Variants in PANK4 observed in about 807,000 individuals in gnomAD.
The protein encoded by PANK4 is 4'-phosphopantetheine phosphatase.
PANK4 carries 40 observed loss-of-function variants against 87.9 expected under a neutral mutation model. The observed-to-expected ratio is 0.46, with a 90% confidence interval of 0.35 to 0.59. PANK4 has a LOEUF of 0.59. PANK4 is among the 20% of genes least tolerant of loss of function. PANK4 has a pLI of 0.00. For synonymous variants in PANK4, 524 were observed against 467.4 expected, an observed-to-expected ratio of 1.12 and a Z score of -1.56; for missense variants, 926 against 1,072.3, an observed-to-expected ratio of 0.86 and a Z score of 1.90.
chr1:2,519,365 C>G lies in PANK4; in HGVS notation c.854-41G>C, dbSNP rs928261605. 1 of 1,478,188 alleles carries G rather than the reference C, an allele frequency of 6.8e-7. No individual in the cohort carries two copies. Among genetic ancestry groups the G allele is most frequent in the Non-Finnish European group, 9.3e-7 (1 of 1,077,182 alleles). The allele number at this position is 1,478,188 out of a possible 1,614,324, so 91.6% of individuals were successfully genotyped here. ...AAAAGGCACTCATCTCCAAGTACAGCAAGTGCACGACATGAGAGCGAGCAG... is the reference window on the plus strand; with the variant it reads ...AAAAGGCACTCATCTCCAAGTACAGGAAGTGCACGACATGAGAGCGAGCAG... On this transcript the variant is annotated intron_variant, in intron 6 of 18. Transcript: ENST00000378466. This position sits in a 1 kb window ranked among gnomAD's most constrained non-coding sequence, Gnocchi z 8.3.
chr1:2,512,599 T>A (rs78763716), intron 13 of PANK4: 8 of 446,042 alleles, frequency 1.8e-5, no homozygotes, highest in Middle Eastern at 5.7e-4. Context: ...ATTCTGACAA[T>A]AGAAAATGCC....
chr1:2,521,694 CG>C (rs1557447949), intron 2 of PANK4, 23 bp downstream of exon 2: 2 of 1,586,724 alleles, frequency 1.3e-6, no homozygotes, highest in Non-Finnish European at 1.7e-6. Context: ...TGCCCTGCCC[CG>C]GGTGGCCACA....
intron 9 of PANK4, 56 bp downstream of exon 9, chr1:2,518,108 G>T: frequency 9.4e-7 from 1 of 1,066,070 alleles, no homozygotes; most frequent in Non-Finnish European, 1.4e-6. Flanking sequence ...CAGGCGAGGT[G>T]AGTGCGGCAT....
Position 2,519,404 on chromosome 1 carries a change from G to A in PANK4, c.854-80C>T, listed in dbSNP as rs933154172. On this transcript the variant is annotated intron_variant, in intron 6 of 18. Transcript: ENST00000378466. This position sits in a 1 kb window ranked among gnomAD's most constrained non-coding sequence, Gnocchi z 8.3. ...GAGAGCGAGCAGGAGGGGAGGGGGA[G>A]AGAGAGCTGAGTGGGAGGGGAGGGG... 1 of 414,232 alleles carries A rather than the reference G, an allele frequency of 2.4e-6. No homozygotes were observed. The highest frequency in any genetic ancestry group is 2.6e-5 in the South Asian group (1 of 38,056). 25.7% of individuals were successfully genotyped at this position (414,232 alleles called of 1,614,324 possible). A position where few individuals can be genotyped will look rare whatever the true frequency, so the allele number is the denominator to read the frequency against.
intron 1 of PANK4, among the ~76,000 whole-genome samples, chr1:2,523,391 G>A (rs184414410): frequency 6.6e-6 from 1 of 152,278 alleles, no homozygotes; most frequent in Admixed American, 6.5e-5. Context: ...TCACTAACAT[G>A]CACCATGCCG....
At position 2,512,724 on chromosome 1, in the gene PANK4, G is replaced by A. The variant is rs753312983; in HGVS notation, c.1727+164C>T. On this transcript the variant is annotated intron_variant, in intron 13 of 18. Coordinates refer to ENST00000378466, the MANE Select transcript of PANK4 (RefSeq NM_018216.4). ...GGCGCTGCGCCCTGCCCAGCCCCTG[G>A]CGCTGCTGCCATGTGCACTCCCTGG... is the stretch of plus-strand genomic sequence containing the variant. 7 of 685,060 alleles carry A rather than the reference G, an allele frequency of 1.0e-5. No individual in the cohort carries two copies. In the African/African-American group the frequency reaches 1.1e-4, roughly 11 times the overall value. 42.4% of individuals were successfully genotyped at this position (685,060 alleles called of 1,614,324 possible).
In PANK4 at chr1:2,518,586, C is replaced by G; in HGVS notation, c.1047G>C (p.Gln349His). 1 of 1,568,904 alleles carries G rather than the reference C, an allele frequency of 6.4e-7. No homozygotes were observed. The highest frequency in any genetic ancestry group is 1.2e-5 in the South Asian group (1 of 85,648). The part of the protein sequence containing the change: ...SINFFSKGEV[Q>H]ALFLRHEGYL... ...AGCCTTCGTGCCTCAGAAACAGCGC[C>G]TGCACTTCCCCCTGCCGTGGCCAAA... Residue 349 changes from glutamine (Q) to histidine (H), a missense_variant, in exon 8 of 19, where the codon CAG becomes CAC. Coordinates refer to ENST00000378466, the MANE Select transcript of PANK4 (RefSeq NM_018216.4).
At chr1:2,517,822 T>G (rs1643809644) in intron 9 of PANK4, among the ~76,000 whole-genome samples, 1 of 152,194 alleles carries the variant, frequency 6.6e-6, no homozygotes, top group Non-Finnish European at 1.5e-5. Flanking sequence ...GGTTTCGGGT[T>G]TCAACTCCAA....
chr1:2,512,345 G>A (rs1486281816), intron 13 of PANK4: 1 of 153,820 alleles, frequency 6.5e-6, no homozygotes, highest in East Asian at 1.9e-4. Context: ...AAAAAAAGCA[G>A]GGACCACGAG....
Position 2,520,906 on chromosome 1 carries a change from T to C in PANK4, c.423A>G (p.Lys141=). The change falls in exon 4 of 19, where the codon AAA becomes AAG. Residue 141 remains lysine, a splice_region_variant and synonymous_variant. Coordinates refer to ENST00000378466, the MANE Select transcript of PANK4 (RefSeq NM_018216.4). The surrounding 1 kb of genome is among the most constrained non-coding windows in gnomAD (Gnocchi z 6.2). ...ACGTCATCACGTCCTCCTTGTCGAC[T>C]CTGAAAAGGAAGCGCCAACCCCTTA... ...KDLIEEKLRL[K]VDKEDVMTCL... The C allele has an allele frequency of 2.6e-6, 4 of 1,545,106 alleles. No individual in the cohort carries two copies. The highest frequency in any genetic ancestry group is 3.5e-6 in the Non-Finnish European group (4 of 1,147,562).
chr1:2,510,781 C>T lies in PANK4; in HGVS notation c.1835G>A (p.Gly612Glu). The change falls in exon 16 of 19, where the codon GGG (glycine) becomes GAG (glutamate). Residue 612 changes from glycine (G) to glutamate (E), a missense_variant and splice_region_variant. Coordinates refer to ENST00000378466, the MANE Select transcript of PANK4 (RefSeq NM_018216.4). This position sits in a 1 kb window ranked among gnomAD's most constrained non-coding sequence, Gnocchi z 4.9. Reference sequence around the variant, plus strand: ...AATTAAGGCACATTTATGAGGGGGCCCCTGTAAGACAAAACCAGGACGTTC... The same window carrying T: ...AATTAAGGCACATTTATGAGGGGGCTCCTGTAAGACAAAACCAGGACGTTC... ...SYSEWLQRLK[G>E]PPHKCALIFA... 1.9e-6 allele frequency: 3 copies of T among 1,590,316 alleles called. No homozygotes were observed. Among genetic ancestry groups the T allele is most frequent in the Non-Finnish European group, 2.6e-6 (3 of 1,159,094 alleles).
rs780578845 is a variant in PANK4 at position 2,509,006 on chromosome 1, C to G, written c.2163G>C (p.Val721=). The part of the protein sequence containing the change: ...ALVRERGADL[V]VIEGMGRAVH... ...CAGCACGGCCCATGCCCTCGATGAC[C>G]ACCAGATCCGCGCCACGCTCCCGCA... Residue 721 remains valine, a synonymous_variant, in exon 19 of 19, where the codon GTG becomes GTC. Coordinates refer to ENST00000378466, the MANE Select transcript of PANK4 (RefSeq NM_018216.4). The surrounding 1 kb of genome is among the most constrained non-coding windows in gnomAD (Gnocchi z 4.9). The G allele has an allele frequency of 1.9e-6, 3 of 1,606,560 alleles. No individual in the cohort carries two copies. Among genetic ancestry groups the G allele is most frequent in the Non-Finnish European group, 1.7e-6 (2 of 1,179,652 alleles).
In PANK4 at chr1:2,510,409, C is replaced by T. The variant is rs936348884; in HGVS notation, c.1939-252G>A. ...GACCTGCCTGTCTGTGAAGTCACAG[C>T]CCCAAAGCCTCCTTGCTGTGAGCAC... On this transcript the variant is annotated intron_variant, in intron 16 of 18. Transcript: ENST00000378466. This position sits in a 1 kb window ranked among gnomAD's most constrained non-coding sequence, Gnocchi z 4.9. 2 of 550,096 alleles carry T rather than the reference C, an allele frequency of 3.6e-6. No homozygotes were observed. Among genetic ancestry groups the T allele is most frequent in the Admixed American group, 3.3e-5 (1 of 30,580 alleles). 34.1% of individuals were successfully genotyped at this position (550,096 alleles called of 1,614,324 possible).
intron 13 of PANK4, 179 bp downstream of exon 13, chr1:2,512,709 C>A: frequency 1.5e-6 from 1 of 648,028 alleles, no homozygotes; most frequent in East Asian, 2.7e-5. Flanking sequence ...GGCGCTGCGC[C>A]CTGCCCAGCC....
rs1336654777 is a variant in PANK4 at position 2,515,047 on chromosome 1, C to A, written c.1374+515G>T. ...CTCTCCGAGGGCTTCGTGAAGAGTG[C>A]GTGTTGCTACCGGGGCTCCCTGGCC... On this transcript the variant is annotated intron_variant, in intron 10 of 18. Transcript: ENST00000378466. This position sits in a 1 kb window ranked among gnomAD's most constrained non-coding sequence, Gnocchi z 5.0. Among the ~76,000 whole-genome samples the A allele has an allele frequency of 6.6e-6, 1 of 152,148 alleles. No homozygotes were observed. The highest frequency in any genetic ancestry group is 2.4e-5 in the African/African-American group (1 of 41,440).
intron 3 of PANK4, 43 bp downstream of exon 3, chr1:2,521,058 G>T (rs764957685): frequency 1.3e-6 from 2 of 1,568,392 alleles, no homozygotes; most frequent in Admixed American, 1.7e-5. Context: ...GGGACTCGGG[G>T]GCAGACACAT....
chr1:2,514,450 A>G lies in PANK4; in HGVS notation c.1391T>C (p.Val464Ala). 1 of 1,610,620 alleles carries G rather than the reference A, an allele frequency of 6.2e-7. No individual in the cohort carries two copies. The highest frequency in any genetic ancestry group is 8.5e-7 in the Non-Finnish European group (1 of 1,179,722). The part of the protein sequence containing the change: ...EALDGVVKRA[V>A]ASQPDSVDAA... ...ATCCACAGAGTCTGGCTGGCTCGCC[A>G]CTGCGCGCTTCACTACCTGCCAGCG... Residue 464 changes from valine to alanine, a missense_variant, in exon 11 of 19, where the codon GTG becomes GCG. Coordinates refer to ENST00000378466, the MANE Select transcript of PANK4 (RefSeq NM_018216.4).
chr1:2,519,926 G>A lies in PANK4; in HGVS notation c.728C>T (p.Ser243Leu), dbSNP rs751896275. ...KKFDELLHLASRGQHSNVDML... is the reference protein window; with the variant it reads ...KKFDELLHLALRGQHSNVDML... The stretch of plus-strand genomic sequence containing the variant: ...GTCCACATTGCTGTGCTGGCCCCTC[G>A]AGGCCAGGTGCAGGAGCTCGTCAAA... The change falls in exon 6 of 19, where the codon TCG (serine) becomes TTG (leucine). Residue 243 changes from serine (S) to leucine (L), a missense_variant. Ser to Leu is a moderately radical substitution (Grantham distance 145). Transcript: ENST00000378466. This position sits in a 1 kb window ranked among gnomAD's most constrained non-coding sequence, Gnocchi z 8.3. The A allele has an allele frequency of 1.5e-5, 23 of 1,564,850 alleles. No individual in the cohort carries two copies. The East Asian group carries it at 1.9e-4, about 13-fold the overall frequency.
chr1:2,514,338 G>T lies in PANK4; in HGVS notation c.1487+16C>A, dbSNP rs1479516629. On this transcript the variant is annotated intron_variant, in intron 11 of 18. Coordinates refer to ENST00000378466, the MANE Select transcript of PANK4 (RefSeq NM_018216.4). ...GATGGAAGAGGTGGCCACACACCGG[G>T]GTGCTGGGCACTTACAAGGGCTGCT... 1.3e-6 allele frequency: 2 copies of T among 1,572,484 alleles called. No homozygotes were observed. Among genetic ancestry groups the T allele is most frequent in the Non-Finnish European group, 1.7e-6 (2 of 1,143,570 alleles).
Sources: gnomAD v4.1 joint callset for allele counts (sites outside exome capture counted in the v4.1 genomes callset) on GRCh38, gnomAD v4.1.1 for gene constraint, Gnocchi (gnomAD v3.1) non-coding constraint, MANE v1.5 for transcripts, NCBI Gene and HGNC (gene_info 2026-07-23, HGNC 2026-07-21) for gene names.